MTARC2: variants seen among roughly 807,000 people sequenced by gnomAD.
MTARC2 encodes MOCO sulphurase C-terminal domain containing 2.
In MTARC2, 27 loss-of-function variants were observed where a neutral mutation model predicts 35.6. The observed-to-expected ratio is 0.76, with a 90% CI of 0.56 to 1.04. The LOEUF (loss-of-function observed/expected upper bound fraction) is 1.04, where lower values mean the gene tolerates loss of function less well. Ranked by LOEUF, MTARC2 falls within the 50% of genes least tolerant of loss-of-function variation. The probability of loss-of-function intolerance (pLI) is 0.00; values close to 1 mark genes in which losing one functional copy is unlikely to be tolerated. For missense variants in MTARC2, 412 were observed against 432.5 expected, an observed-to-expected ratio of 0.95 and a Z score of 0.42; for synonymous variants, 158 against 167.1, an observed-to-expected ratio of 0.95 and a Z score of 0.42.
At chr1:220,776,263 C>T (rs959959535) in intron 4 of MTARC2, among the ~76,000 whole-genome samples, 4 of 152,118 alleles carry the variant, frequency 2.6e-5, no homozygotes, top group Non-Finnish European at 4.4e-5. Context: ...ATTTGCATTT[C>T]CCTAGTGATC....
intron 4 of MTARC2, among the ~76,000 whole-genome samples, chr1:220,778,373 G>A (rs1225108368): frequency 6.6e-6 from 1 of 152,162 alleles, no homozygotes; most frequent in East Asian, 1.9e-4. Context: ...ATGGTGGAAG[G>A]CAAAGGGGGT....
At position 220,748,567 on chromosome 1, in the gene MTARC2, C is replaced by A; in HGVS notation, c.36C>A (p.Leu12=). The part of the protein sequence containing the change: ...GASSSSALAR[L]GLPARPWPRW... ...CCAGCTCCTCCGCGCTGGCCCGCCT[C>A]GGCCTCCCAGCCCGGCCCTGGCCCA... The change falls in exon 1 of 8, where the codon CTC becomes CTA. Residue 12 remains leucine (L), a synonymous_variant. Coordinates refer to ENST00000366913, the MANE Select transcript of MTARC2 (RefSeq NM_017898.5). 6.9e-7 allele frequency: 1 copy of A among 1,442,776 alleles called. No homozygotes were observed. 89.4% of individuals were successfully genotyped at this position (1,442,776 alleles called of 1,614,324 possible).
rs2102557184 is a variant in MTARC2, at chr1:220,767,188, T to C, written c.750+4138T>C. Among the ~76,000 whole-genome samples, 3 of 152,272 alleles carry C rather than the reference T, an allele frequency of 2.0e-5. No homozygotes were observed. The South Asian group carries it at 6.2e-4, about 32-fold the overall frequency. ...TATTAAATGACGCTAATGTTGCTGATTTATTCTTCCTTAAATTAGGAAGCC... is the reference window on the plus strand; with the variant it reads ...TATTAAATGACGCTAATGTTGCTGACTTATTCTTCCTTAAATTAGGAAGCC... On this transcript the variant is annotated intron_variant, in intron 4 of 7. Coordinates refer to ENST00000366913, the MANE Select transcript of MTARC2 (RefSeq NM_017898.5).
intron 4 of MTARC2, among the ~76,000 whole-genome samples, chr1:220,777,345 C>G (rs886258100): frequency 6.6e-6 from 1 of 152,102 alleles, no homozygotes; most frequent in Admixed American, 6.5e-5. Context: ...CACTATAGGC[C>G]CGGGAGGGGG....
rs1672028230 is a variant in MTARC2, at chr1:220,780,170, G to A, written c.815G>A (p.Cys272Tyr). Residue 272 changes from cysteine (C) to tyrosine (Y), a missense_variant and splice_region_variant, in exon 6 of 8, where the codon TGT becomes TAT. Coordinates refer to ENST00000366913, the MANE Select transcript of MTARC2 (RefSeq NM_017898.5). ...AACCCTTGGTTACTGCATAACAGGT[G>A]TATTTTGACAACGGTGGACCCAGAC... ...EVKKVMACPR[C>Y]ILTTVDPDTG... The A allele has an allele frequency of 6.2e-7, 1 of 1,613,036 alleles. No individual in the cohort carries two copies. Among genetic ancestry groups the A allele is most frequent in the Non-Finnish European group, 8.5e-7 (1 of 1,179,612 alleles).
chr1:220,769,124 C>T (rs1168118829), intron 4 of MTARC2, among the ~76,000 whole-genome samples: 1 of 152,192 alleles, frequency 6.6e-6, no homozygotes, highest in Non-Finnish European at 1.5e-5. Flanking sequence ...TTGATTACAA[C>T]TGAGTCATTT....
intron 2 of MTARC2, among the ~76,000 whole-genome samples, chr1:220,759,765 A>G (rs943048542): frequency 6.6e-6 from 1 of 152,158 alleles, no homozygotes; most frequent in African/African-American, 2.4e-5. Flanking sequence ...CCAAGAATTA[A>G]TCAGAGGTGA....
At chr1:220,778,453 G>A (rs1009143811) in intron 4 of MTARC2, among the ~76,000 whole-genome samples, 49 of 152,042 alleles carry the variant, frequency 3.2e-4, no homozygotes, top group African/African-American at 1.1e-3. Context: ...TTAAGCAACC[G>A]GATCTCGCAA....
chr1:220,764,539 C>G (rs1572302639), intron 4 of MTARC2, among the ~76,000 whole-genome samples: 2 of 152,118 alleles, frequency 1.3e-5, no homozygotes, highest in South Asian at 4.1e-4. Flanking sequence ...ATAGTCCCAG[C>G]ACTTTGGGAG....
intron 1 of MTARC2, among the ~76,000 whole-genome samples, chr1:220,750,358 C>T (rs904588312): frequency 1.3e-5 from 2 of 152,142 alleles, no homozygotes; most frequent in Admixed American, 6.5e-5. Context: ...CTTCCTTCCT[C>T]GCTTGAAGGG....
chr1:220,758,937 A>G (rs1168742529), intron 2 of MTARC2, among the ~76,000 whole-genome samples: 1 of 152,126 alleles, frequency 6.6e-6, no homozygotes, highest in Non-Finnish European at 1.5e-5. Flanking sequence ...TAGGTCTTAA[A>G]TAGCTATTAT....
chr1:220,768,571 C>A (rs1671647635), intron 4 of MTARC2, among the ~76,000 whole-genome samples: 1 of 152,162 alleles, frequency 6.6e-6, no homozygotes, highest in South Asian at 2.1e-4. Context: ...ACTCTGCCAC[C>A]TTGTTAAAGC....
chr1:220,751,823 AC>A (rs1208916102), intron 1 of MTARC2, among the ~76,000 whole-genome samples: 1 of 152,184 alleles, frequency 6.6e-6, no homozygotes, highest in Non-Finnish European at 1.5e-5. Context: ...GGTTGGGGTA[AC>A]TTGGTTATGA....
chr1:220,766,823 C>CT (rs200750094), intron 4 of MTARC2, among the ~76,000 whole-genome samples: 1,403 of 106,028 alleles, frequency 0.013, 26 homozygotes, highest in East Asian at 0.079. Context: ...TCTTCTTCTT[C>CT]TTTTTTTTTT....
At chr1:220,762,793 C>T (rs1024547962) in intron 3 of MTARC2, 117 bp from the exon 4 acceptor site, 18 of 1,096,348 alleles carry the variant, frequency 1.6e-5, no homozygotes, top group Admixed American at 4.4e-5. Context: ...CCTTCCTGAA[C>T]ACTGCTCCCC....
chr1:220,782,063 G>A, intron 7 of MTARC2, 131 bp downstream of exon 7: 1 of 810,508 alleles, frequency 1.2e-6, no homozygotes, highest in Admixed American at 2.9e-5. Context: ...GATCTTTGGA[G>A]TTGGAAAATG....
At chr1:220,758,235 G>A (rs1398003437) in intron 2 of MTARC2, among the ~76,000 whole-genome samples, 5 of 151,828 alleles carry the variant, frequency 3.3e-5, no homozygotes, top group Non-Finnish European at 7.4e-5. Flanking sequence ...CACCCGCCTC[G>A]GCTTCCCAAA....
chr1:220,752,420 C>T (rs1293681282), intron 1 of MTARC2, among the ~76,000 whole-genome samples: 1 of 152,068 alleles, frequency 6.6e-6, no homozygotes, highest in Non-Finnish European at 1.5e-5. Flanking sequence ...GGAATAGGGC[C>T]CAGCCCTGTG....
rs1185946541 is a variant in MTARC2, at chr1:220,783,940, T to G, written c.*53T>G. ...TCAGGCTTCAGCAACCAGGAGGGAT[T>G]GACTGAGATCTTAACAACAGCAGCA... On this transcript the variant is annotated 3_prime_UTR_variant, in exon 8 of 8. Transcript: ENST00000366913. 1.4e-6 allele frequency: 1 copy of G among 717,494 alleles called. No individual in the cohort carries two copies. Among genetic ancestry groups the G allele is most frequent in the Non-Finnish European group, 2.6e-6 (1 of 385,092 alleles). 44.4% of individuals were successfully genotyped at this position (717,494 alleles called of 1,614,324 possible).
Sources: allele counts gnomAD v4.1 joint callset (sites outside exome capture counted in the v4.1 genomes callset), GRCh38; gene constraint gnomAD v4.1.1; transcripts MANE v1.5; gene names NCBI Gene and HGNC (gene_info 2026-07-23, HGNC 2026-07-21).